The following HDAC2 variants were observed in gnomAD, a reference collection of about 807,000 sequenced individuals.
HDAC2 encodes the protein YY1-associated factor 1.
HDAC2 carries 5 observed loss-of-function variants against 68.5 expected under a neutral mutation model. The ratio of observed to expected loss-of-function variants is 0.07; its 90% CI spans 0.04 to 0.15. The LOEUF (loss-of-function observed/expected upper bound fraction) is 0.15, where lower values mean the gene tolerates loss of function less well. Ranked by LOEUF, HDAC2 falls within the 10% of genes least tolerant of loss-of-function variation. HDAC2 has a pLI of 1.00. For missense variants in HDAC2, 291 were observed against 600.8 expected, an observed-to-expected ratio of 0.48 and a Z score of 5.39; for synonymous variants, 182 against 191.3, an observed-to-expected ratio of 0.95 and a Z score of 0.40.
chr6:113,960,380 A>G (rs375878462), intron 1 of HDAC2, among the ~76,000 whole-genome samples: 3 of 152,096 alleles, frequency 2.0e-5, no homozygotes, highest in African/African-American at 4.8e-5. Flanking sequence ...TTTTATTGGT[A>G]TGATTTAAAA....
At chr6:113,967,404 T>C (rs773815493) in intron 1 of HDAC2, among the ~76,000 whole-genome samples, 5 of 152,142 alleles carry the variant, frequency 3.3e-5, no homozygotes, top group Non-Finnish European at 4.4e-5. Context: ...GCTGAGATTA[T>C]AGGCATGAGC....
chr6:113,951,625 G>A (rs1391247644), intron 6 of HDAC2, among the ~76,000 whole-genome samples: 1 of 151,880 alleles, frequency 6.6e-6, no homozygotes, highest in Non-Finnish European at 1.5e-5. Flanking sequence ...CCACCACCAC[G>A]CCCGGCTAAT....
intron 1 of HDAC2, chr6:113,969,987 G>A (rs115257216): frequency 1.3e-5 from 2 of 152,326 alleles, no homozygotes; most frequent in East Asian, 1.9e-4. Flanking sequence ...AGGCAAGCCA[G>A]GACCCATGGA....
intron 1 of HDAC2, among the ~76,000 whole-genome samples, chr6:113,960,248 G>C (rs557618468): frequency 6.6e-6 from 1 of 152,158 alleles, no homozygotes; most frequent in Admixed American, 6.5e-5. Flanking sequence ...TTTATTTGTA[G>C]ATTAAGGAAA....
intron 11 of HDAC2, 107 bp from the exon 12 acceptor site, chr6:113,943,613 G>A (rs557774086): frequency 3.0e-4 from 205 of 685,728 alleles, no homozygotes; most frequent in Admixed American, 4.6e-4. Context: ...ACATTTAAAC[G>A]TAAAGGGTAA....
At chr6:113,958,616 C>T in intron 3 of HDAC2, 33 bp downstream of exon 3, 1 of 1,006,780 alleles carries the variant, frequency 9.9e-7, no homozygotes. Context: ...TTACATTTAT[C>T]AAAGCAAAAC....
intron 10 of HDAC2, 139 bp downstream of exon 10, chr6:113,945,223 T>G (rs1256564667): frequency 4.8e-6 from 2 of 419,142 alleles, no homozygotes; most frequent in Admixed American, 8.7e-5. Context: ...GAATAATCAG[T>G]AACTTAATGT....
Position 113,956,105 on chromosome 6 carries a change from A to G in HDAC2, c.405T>C (p.Asn135=). The G allele has an allele frequency of 6.2e-7, 1 of 1,612,758 alleles. No homozygotes were observed. The highest frequency in any genetic ancestry group is 1.1e-5 in the South Asian group (1 of 90,890). Residue 135 remains asparagine, a synonymous_variant, in exon 5 of 14, where the codon AAT becomes AAC. Transcript: ENST00000519065. ...LNRQQTDMAV[N]WAGGLHHAKK... is the part of the protein sequence containing the mutation. ...TAGCATGATGTAATCCTCCAGCCCA[A>G]TTAACAGCCATATCAGTCTGTTGTC...
chr6:113,964,064 T>C (rs1406774059), intron 1 of HDAC2, among the ~76,000 whole-genome samples: 1 of 152,182 alleles, frequency 6.6e-6, no homozygotes, highest in African/African-American at 2.4e-5. Flanking sequence ...TTAATATTTC[T>C]ACAGCAAAAA....
chr6:113,962,381 T>C (rs1302233379), intron 1 of HDAC2: 1 of 914,160 alleles, frequency 1.1e-6, no homozygotes, highest in South Asian at 5.1e-5. Context: ...TCACTAGAAA[T>C]GGCAGGGTGA....
At chr6:113,966,760 C>T (rs72948641) in intron 1 of HDAC2, among the ~76,000 whole-genome samples, 27,485 of 151,786 alleles carry the variant, frequency 0.18, 2,737 homozygotes, top group East Asian at 0.35. Context: ...ATAACAGGGA[C>T]TTAGGTAATA....
intron 1 of HDAC2, among the ~76,000 whole-genome samples, chr6:113,960,436 G>A (rs2114613473): frequency 6.6e-6 from 1 of 152,090 alleles, no homozygotes; most frequent in South Asian, 2.1e-4. Flanking sequence ...TGGCATTTCA[G>A]AAATCTCATA....
In HDAC2 at chr6:113,936,974, AGAGT is replaced by A. The variant is rs1776014658; in HGVS notation, c.*4080_*4083del. On this transcript the variant is annotated 3_prime_UTR_variant, in exon 14 of 14. Transcript: ENST00000519065. ...GCCACTGCACTCCAACCTGGGCAACAGAGTGAGACTCTTTCAAAAAAAAAAGAAA... is the reference window on the plus strand; with the variant it reads ...GCCACTGCACTCCAACCTGGGCAACAGAGACTCTTTCAAAAAAAAAAGAAA... The A allele has an allele frequency of 2.0e-5, 3 of 151,904 alleles. No individual in the cohort carries two copies. Among genetic ancestry groups the A allele is most frequent in the African/African-American group, 4.8e-5 (2 of 41,372 alleles). The allele number at this position is 151,904 out of a possible 1,614,324, so 9.4% of individuals were successfully genotyped here.
At chr6:113,968,395 G>T (rs1469901597) in intron 1 of HDAC2, 2 of 152,082 alleles carry the variant, frequency 1.3e-5, no homozygotes, top group South Asian at 2.1e-4. Flanking sequence ...AATAAAAAAA[G>T]AATTAGTATT....
chr6:113,957,294 T>C (rs1776578545), intron 3 of HDAC2: 1 of 152,780 alleles, frequency 6.5e-6, no homozygotes, highest in Admixed American at 6.5e-5. Flanking sequence ...ATTTAGTTCC[T>C]TAGCACTGAG....
rs754538738 is a variant in HDAC2, at chr6:113,937,451, A to G, written c.*3607T>C. 4 of 152,216 alleles carry G rather than the reference A, an allele frequency of 2.6e-5. No homozygotes were observed. The highest frequency in any genetic ancestry group is 5.9e-5 in the Non-Finnish European group (4 of 68,034). The allele number at this position is 152,216 out of a possible 1,614,324, so 9.4% of individuals were successfully genotyped here. On this transcript the variant is annotated 3_prime_UTR_variant, in exon 14 of 14. Transcript: ENST00000519065. ...AACAGCATTCACCCATGCCATAGAG[A>G]ACTGAGACAATGTGGCACCTTCATT...
intron 1 of HDAC2, among the ~76,000 whole-genome samples, chr6:113,967,034 CTT>C (rs1287017999): frequency 6.6e-6 from 1 of 152,204 alleles, no homozygotes; most frequent in Middle Eastern, 3.2e-3. Context: ...CAGCAAAAGA[CTT>C]TGGTACTACT....
In HDAC2 at chr6:113,935,634, C is replaced by A. The variant is rs1775985191; in HGVS notation, c.*5424G>T. The A allele has an allele frequency of 6.6e-6, 1 of 151,492 alleles. No individual in the cohort carries two copies. The highest frequency in any genetic ancestry group is 1.5e-5 in the Non-Finnish European group (1 of 67,794). 9.4% of individuals were successfully genotyped at this position (151,492 alleles called of 1,614,324 possible). ...CCACTGGCTGCAAAATGGGTCTGGCCAAAAAAAATCTCCTATTCAGAATCC... is the reference window on the plus strand; with the variant it reads ...CCACTGGCTGCAAAATGGGTCTGGCAAAAAAAAATCTCCTATTCAGAATCC... On this transcript the variant is annotated 3_prime_UTR_variant, in exon 14 of 14. Coordinates refer to ENST00000519065, the MANE Select transcript of HDAC2 (RefSeq NM_001527.4).
chr6:113,951,674 A>T (rs1393903335), intron 6 of HDAC2, among the ~76,000 whole-genome samples: 2 of 151,980 alleles, frequency 1.3e-5, no homozygotes, highest in African/African-American at 4.8e-5. Flanking sequence ...TCACTGTGTT[A>T]GCCAGGATGG....
Sources: gnomAD v4.1 joint callset for allele counts (sites outside exome capture counted in the v4.1 genomes callset) on GRCh38, gnomAD v4.1.1 for gene constraint, MANE v1.5 for transcripts, NCBI Gene and HGNC (gene_info 2026-07-23, HGNC 2026-07-21) for gene names.